The following SLC14A2 variants were observed in gnomAD, a reference collection of about 807,000 sequenced individuals.
SLC14A2 encodes urea transporter 2.
In SLC14A2, 91 loss-of-function variants were observed where a neutral mutation model predicts 104.6. The observed-to-expected ratio is 0.87, with a 90% CI of 0.73 to 1.04. The LOEUF (loss-of-function observed/expected upper bound fraction) is 1.04, where lower values mean the gene tolerates loss of function less well. Ranked by LOEUF, SLC14A2 falls within the 50% of genes least tolerant of loss-of-function variation. SLC14A2 has a pLI of 0.00. For synonymous variants in SLC14A2, 476 were observed against 466.4 expected (o/e 1.02, Z -0.27); for missense variants, 1,189 against 1,156.0 (o/e 1.03, Z -0.41).
rs778904718 is a variant in SLC14A2, at chr18:45,663,743, A to T, written c.1352-42A>T. On this transcript the variant is annotated intron_variant, in intron 10 of 19. Transcript: ENST00000255226. ...CTCTGCTTGGCTCTCTCAGGTGCGGACTAGGTGGGACACTGACCTGTCTTG... is the reference window on the plus strand; with the variant it reads ...CTCTGCTTGGCTCTCTCAGGTGCGGTCTAGGTGGGACACTGACCTGTCTTG... The T allele has an allele frequency of 1.9e-6, 3 of 1,597,778 alleles. No homozygotes were observed. The South Asian group carries it at 3.4e-5, about 18-fold the overall frequency.
intron 1 of SLC14A2, among the ~76,000 whole-genome samples, chr18:45,254,980 C>A (rs1022648094): frequency 6.6e-6 from 1 of 152,190 alleles, no homozygotes. Context: ...TGGCCTTCTG[C>A]ATTAGTAATG....
rs2046323766 is a variant in SLC14A2 at position 45,682,421 on chromosome 18, G to T, written c.2665G>T (p.Val889Phe). Residue 889 changes from valine (V) to phenylalanine (F), a missense_variant, in exon 20 of 20, where the codon GTC becomes TTC. By Grantham distance (50) the Val-to-Phe change is conservative. Coordinates refer to ENST00000255226, the MANE Select transcript of SLC14A2 (RefSeq NM_007163.4). ...CATCTACAAGCTCCCGCTCAGCAAA[G>T]TCACCTACCCAGAGGCCAACCGCAT... is the stretch of plus-strand genomic sequence containing the variant. ...PAIYKLPLSK[V>F]TYPEANRIYY... is the part of the protein sequence containing the mutation. 7.4e-6 allele frequency: 12 copies of T among 1,614,050 alleles called. No individual in the cohort carries two copies. The highest frequency in any genetic ancestry group is 1.0e-5 in the Non-Finnish European group (12 of 1,180,022).
chr18:45,442,119 C>T (rs1185501389), intron 1 of SLC14A2, among the ~76,000 whole-genome samples: 1 of 152,166 alleles, frequency 6.6e-6, no homozygotes, highest in Non-Finnish European at 1.5e-5. Context: ...GCAGAGCATG[C>T]AGATCCAAGT....
chr18:45,506,630 C>T (rs551718356), intron 2 of SLC14A2, among the ~76,000 whole-genome samples: 1 of 152,270 alleles, frequency 6.6e-6, no homozygotes, highest in East Asian at 1.9e-4. Flanking sequence ...CACCACAAGC[C>T]AAGGAATGCC....
chr18:45,527,642 T>C (rs1266924830), intron 2 of SLC14A2, among the ~76,000 whole-genome samples: 1 of 152,244 alleles, frequency 6.6e-6, no homozygotes, highest in Non-Finnish European at 1.5e-5. Flanking sequence ...GGTTAAGTTC[T>C]AGCCTGGATA....
chr18:45,495,302 T>G (rs975088747), intron 2 of SLC14A2, among the ~76,000 whole-genome samples: 2 of 152,000 alleles, frequency 1.3e-5, no homozygotes, highest in Non-Finnish European at 2.9e-5. Flanking sequence ...AAATAGGAAA[T>G]AAAAACAAAA....
the SLC14A2 span, among the ~76,000 whole-genome samples, chr18:45,200,443 G>C: frequency 1.3e-5 from 2 of 152,160 alleles, no homozygotes; most frequent in African/African-American, 4.8e-5. Context: ...AAAGTATTTT[G>C]AAATAAAGTT....
chr18:45,401,794 A>G lies in SLC14A2; in HGVS notation c.-124-81439A>G, dbSNP rs575186161. On this transcript the variant is annotated intron_variant, in intron 1 of 20. Coordinates refer to the SLC14A2 transcript ENST00000586448. ...GCAGTAACGTAATGGTAGAAGATGT[A>G]GGAAATATTCTGGAGATACACTCCC... 9.2e-5 allele frequency among the ~76,000 whole-genome samples: 14 copies of G among 152,302 alleles called. 1 individual carries two copies. The South Asian group carries it at 2.5e-3, about 27-fold the overall frequency.
chr18:45,435,962 A>G (rs1361301936), intron 1 of SLC14A2, among the ~76,000 whole-genome samples: 1 of 152,184 alleles, frequency 6.6e-6, no homozygotes, highest in Non-Finnish European at 1.5e-5. Flanking sequence ...AGCACAGGAC[A>G]GGGAAGATGT....
chr18:45,415,034 G>C (rs1018919454), intron 1 of SLC14A2, among the ~76,000 whole-genome samples: 1 of 151,686 alleles, frequency 6.6e-6, no homozygotes, highest in Non-Finnish European at 1.5e-5. Context: ...AAACCAAAAA[G>C]GTTATTTTGA....
chr18:45,313,378 A>G lies in SLC14A2; in HGVS notation c.-125+100187A>G, dbSNP rs527912656. Reference sequence around the variant, plus strand: ...ACTGCAGGGCCTGAGACCCAAGAGAAGTCATTTGCTCAGAGTCATAGAGCA... The same window carrying G: ...ACTGCAGGGCCTGAGACCCAAGAGAGGTCATTTGCTCAGAGTCATAGAGCA... On this transcript the variant is annotated intron_variant, in intron 1 of 20. Transcript: ENST00000586448. 3.9e-5 allele frequency among the ~76,000 whole-genome samples: 6 copies of G among 152,332 alleles called. No homozygotes were observed. In the East Asian group the frequency reaches 1.2e-3, roughly 29 times the overall value.
upstream of SLC14A2, among the ~76,000 whole-genome samples, chr18:45,211,095 A>G (rs2083957604): frequency 6.6e-6 from 1 of 152,188 alleles, no homozygotes; most frequent in East Asian, 1.9e-4. Flanking sequence ...GATCTGAAGC[A>G]CCAGAGAAAA....
chr18:45,675,143 G>A (rs887608962), intron 18 of SLC14A2, among the ~76,000 whole-genome samples: 4 of 152,150 alleles, frequency 2.6e-5, no homozygotes, highest in African/African-American at 7.2e-5. Flanking sequence ...TCCCAAAAGT[G>A]CCAATGAGCC....
intron 2 of SLC14A2, among the ~76,000 whole-genome samples, chr18:45,512,118 A>AAG (rs2144789582): frequency 6.6e-6 from 1 of 152,346 alleles, no homozygotes; most frequent in South Asian, 2.1e-4. Context: ...AAACCAAGGC[A>AAG]GGAGCCCAGA....
At chr18:45,596,318 T>A (rs1383422604) in intron 2 of SLC14A2, among the ~76,000 whole-genome samples, 1 of 152,214 alleles carries the variant, frequency 6.6e-6, no homozygotes, top group Non-Finnish European at 1.5e-5. Flanking sequence ...TGAGCTTGAA[T>A]TTGGTTAATG....
chr18:45,173,385 T>C, the SLC14A2 span, among the ~76,000 whole-genome samples: 1 of 151,920 alleles, frequency 6.6e-6, no homozygotes, highest in Non-Finnish European at 1.5e-5. Flanking sequence ...TCAGTATCAA[T>C]GTAATCACGG....
At chr18:45,196,308 T>C in the SLC14A2 span, among the ~76,000 whole-genome samples, 11 of 152,228 alleles carry the variant, frequency 7.2e-5, no homozygotes, top group Non-Finnish European at 1.5e-4. Context: ...TGAGACTTTT[T>C]TTCATTCTCA....
chr18:45,395,275 G>T (rs191353402), intron 1 of SLC14A2, among the ~76,000 whole-genome samples: 31 of 152,296 alleles, frequency 2.0e-4, no homozygotes. Flanking sequence ...AAAGAAGCCA[G>T]CCACAGAAGG....
chr18:45,527,886 T>C (rs559484446), intron 2 of SLC14A2: 5 of 152,304 alleles, frequency 3.3e-5, no homozygotes, highest in Admixed American at 2.6e-4. Context: ...AATCAACAGC[T>C]CTTTCCAAGA....
Sources: gnomAD v4.1 joint callset for allele counts (sites outside exome capture counted in the v4.1 genomes callset) on GRCh38, gnomAD v4.1.1 for gene constraint, MANE v1.5 for transcripts, NCBI Gene and HGNC (gene_info 2026-07-23, HGNC 2026-07-21) for gene names.